FAM110B: variants seen among roughly 807,000 people sequenced by gnomAD.
FAM110B encodes the protein family with sequence similarity 110 member B.
FAM110B carries 6 observed loss-of-function variants against 20.4 expected under a neutral mutation model. The observed-to-expected ratio is 0.29, with a 90% CI of 0.16 to 0.58. The LOEUF (loss-of-function observed/expected upper bound fraction) is 0.58. Ranked by LOEUF, FAM110B falls within the 20% of genes least tolerant of loss-of-function variation. FAM110B has a pLI of 0.90. For missense variants in FAM110B, 434 were observed against 498.2 expected (o/e 0.87, Z 1.23); for synonymous variants, 226 against 214.1 (o/e 1.06, Z -0.49).
At chr8:58,114,633 G>A (rs567062169) in intron 3 of FAM110B, among the ~76,000 whole-genome samples, 23 of 152,270 alleles carry the variant, frequency 1.5e-4, no homozygotes, top group African/African-American at 5.3e-4. Flanking sequence ...TATCTCCACT[G>A]GCAGCAAGGT....
Position 58,146,266 on chromosome 8 carries a change from G to A in FAM110B, c.36G>A (p.Val12=), listed in dbSNP as rs1585924887. 6.2e-7 allele frequency: 1 copy of A among 1,611,268 alleles called. No homozygotes were observed. Among genetic ancestry groups the A allele is most frequent in the African/African-American group, 1.3e-5 (1 of 74,992 alleles). Residue 12 remains valine, a synonymous_variant, in exon 4 of 4, where the codon GTG becomes GTA. Coordinates refer to ENST00000519262, the MANE Select transcript of FAM110B (RefSeq NM_001377989.1). ...PTETLQTGSM[V]KPVSPAGTFT... is the part of the protein sequence containing the mutation. ...AGACCCTACAGACAGGTAGCATGGT[G>A]AAGCCGGTCAGCCCCGCGGGCACCT...
At chr8:58,129,888 A>T (rs1353974188) in intron 3 of FAM110B, among the ~76,000 whole-genome samples, 1 of 151,994 alleles carries the variant, frequency 6.6e-6, no homozygotes, top group African/African-American at 2.4e-5. Flanking sequence ...CTTATCAAAA[A>T]CATTCTTGTC....
At chr8:58,033,057 C>A (rs556335524) in intron 2 of FAM110B, among the ~76,000 whole-genome samples, 2 of 152,072 alleles carry the variant, frequency 1.3e-5, no homozygotes, top group African/African-American at 4.8e-5. Flanking sequence ...CAGCCTTTTC[C>A]CCCTGTAACT....
chr8:58,052,122 C>G (rs1292667668), intron 2 of FAM110B, among the ~76,000 whole-genome samples: 1 of 152,228 alleles, frequency 6.6e-6, no homozygotes, highest in Non-Finnish European at 1.5e-5. Flanking sequence ...TGGGAATCAT[C>G]TGTGAGGCTG....
intron 2 of FAM110B, among the ~76,000 whole-genome samples, chr8:58,071,730 T>A (rs909228317): frequency 2.0e-5 from 3 of 151,844 alleles, no homozygotes; most frequent in African/African-American, 7.3e-5. Flanking sequence ...AAGCTTGCCA[T>A]GAATTGTAAT....
chr8:58,143,130 G>A (rs1274618071), intron 3 of FAM110B, among the ~76,000 whole-genome samples: 2 of 152,236 alleles, frequency 1.3e-5, no homozygotes, highest in Non-Finnish European at 2.9e-5. Flanking sequence ...AAGAACCAGA[G>A]TTAAGGATTA....
intron 3 of FAM110B, among the ~76,000 whole-genome samples, chr8:58,120,534 T>C (rs537533795): frequency 6.6e-6 from 1 of 152,322 alleles, no homozygotes; most frequent in South Asian, 2.1e-4. Context: ...GTACCTCTGG[T>C]ATTTCAACAG....
intron 3 of FAM110B, among the ~76,000 whole-genome samples, chr8:58,081,207 T>A (rs899903497): frequency 1.3e-5 from 2 of 152,156 alleles, no homozygotes; most frequent in Non-Finnish European, 1.5e-5. Context: ...AAAATTCTTT[T>A]TCTTATTTTT....
Position 58,146,504 on chromosome 8 carries a change from G to C in FAM110B, c.274G>C (p.Ala92Pro), listed in dbSNP as rs752411132. 6.2e-7 allele frequency: 1 copy of C among 1,613,714 alleles called. No homozygotes were observed. The highest frequency in any genetic ancestry group is 8.5e-7 in the Non-Finnish European group (1 of 1,179,900). ...CCCGGTGTGCCCGGCTGCCAAGCGC[G>C]CACTGGGCAGCCCCACGCTCAAAGT... is the stretch of plus-strand genomic sequence containing the variant. ...KPPVCPAAKR[A>P]LGSPTLKVFG... The change falls in exon 4 of 4, where the codon GCA becomes CCA. Residue 92 changes from alanine to proline, a missense_variant. Ala to Pro is a conservative substitution (Grantham distance 27, BLOSUM62 -1). Transcript: ENST00000519262.
chr8:58,111,644 A>G (rs1241981057), intron 3 of FAM110B, among the ~76,000 whole-genome samples: 2 of 152,234 alleles, frequency 1.3e-5, no homozygotes, highest in Non-Finnish European at 2.9e-5. Context: ...AAAAGAAAAA[A>G]AAACTACTTT....
chr8:58,038,100 GGGA>G (rs1485600748), intron 2 of FAM110B, among the ~76,000 whole-genome samples: 3 of 152,174 alleles, frequency 2.0e-5, no homozygotes, highest in South Asian at 2.1e-4. Context: ...AGATACGACT[GGGA>G]GGATACTTGC....
intron 2 of FAM110B, among the ~76,000 whole-genome samples, chr8:58,069,116 A>G (rs568111290): frequency 4.6e-5 from 7 of 152,274 alleles, no homozygotes; most frequent in Non-Finnish European, 8.8e-5. Flanking sequence ...TGATTAATCA[A>G]CCCTACCATT....
intron 1 of FAM110B, among the ~76,000 whole-genome samples, chr8:57,996,287 G>C (rs553599328): frequency 1.3e-5 from 2 of 152,314 alleles, no homozygotes; most frequent in African/African-American, 2.4e-5. Context: ...AAAGTGCTTA[G>C]AACAGTGCCT....
intron 3 of FAM110B, among the ~76,000 whole-genome samples, chr8:58,118,398 C>T (rs969377217): frequency 6.6e-6 from 1 of 152,220 alleles, no homozygotes; most frequent in Non-Finnish European, 1.5e-5. Context: ...TAGGATTTCA[C>T]TCTTCCCATC....
chr8:58,120,486 A>T (rs1160460318), intron 3 of FAM110B, among the ~76,000 whole-genome samples: 3 of 152,226 alleles, frequency 2.0e-5, no homozygotes, highest in Non-Finnish European at 4.4e-5. Context: ...AACAGCCATT[A>T]TCTACCTGGA....
At chr8:58,116,703 A>G (rs900725283) in intron 3 of FAM110B, among the ~76,000 whole-genome samples, 1 of 152,260 alleles carries the variant, frequency 6.6e-6, no homozygotes, top group Non-Finnish European at 1.5e-5. Context: ...TATTTCTCCC[A>G]GGCACTGAAA....
At chr8:58,094,025 T>A (rs2150605397) in intron 3 of FAM110B, among the ~76,000 whole-genome samples, 1 of 152,302 alleles carries the variant, frequency 6.6e-6, no homozygotes, top group Admixed American at 6.5e-5. Context: ...GAATGGGAGT[T>A]CTCTCATGAT....
chr8:58,060,286 A>G (rs1194725833), intron 2 of FAM110B, among the ~76,000 whole-genome samples: 1 of 152,190 alleles, frequency 6.6e-6, no homozygotes, highest in Non-Finnish European at 1.5e-5. Context: ...TGAATTTTGT[A>G]GGTGGAATGT....
At chr8:58,114,768 AG>A (rs1371383865) in intron 3 of FAM110B, among the ~76,000 whole-genome samples, 2 of 152,258 alleles carry the variant, frequency 1.3e-5, no homozygotes. Context: ...TAATAATCCT[AG>A]GAGATGAATA....
Sources: gnomAD v4.1 joint callset for allele counts (sites outside exome capture counted in the v4.1 genomes callset) on GRCh38, gnomAD v4.1.1 for gene constraint, MANE v1.5 for transcripts, NCBI Gene and HGNC (gene_info 2026-07-23, HGNC 2026-07-21) for gene names.